The following PPP2R3A variants were observed in gnomAD, a reference collection of about 807,000 sequenced individuals.
The protein encoded by PPP2R3A is serine/threonine-protein phosphatase 2A regulatory subunit B'' subunit alpha.
PPP2R3A carries 80 observed loss-of-function variants against 106.9 expected under a neutral mutation model. That is an observed-to-expected ratio of 0.75 (90% CI 0.62 to 0.90). The LOEUF (loss-of-function observed/expected upper bound fraction) is 0.90, where lower values mean the gene tolerates loss of function less well. PPP2R3A is among the 40% of genes least tolerant of loss of function. The pLI is 0.00. For missense variants in PPP2R3A, 1,386 were observed against 1,350.4 expected (o/e 1.03, Z -0.41); for synonymous variants, 483 against 468.3 (o/e 1.03, Z -0.41).
intron 2 of PPP2R3A, among the ~76,000 whole-genome samples, chr3:136,025,669 TATATCA>T: frequency 6.6e-6 from 1 of 152,264 alleles, no homozygotes; most frequent in South Asian, 2.1e-4. Flanking sequence ...TTCTTACAGA[TATATCA>T]TTGTTCAAAC....
At chr3:136,015,429 G>A (rs1481779624) in intron 2 of PPP2R3A, among the ~76,000 whole-genome samples, 1 of 152,026 alleles carries the variant, frequency 6.6e-6, no homozygotes, top group African/African-American at 2.4e-5. Flanking sequence ...ATTCAGCTGT[G>A]AATCCATCTG....
At chr3:136,068,519 TC>T (rs1469637360) in intron 5 of PPP2R3A, among the ~76,000 whole-genome samples, 1 of 151,930 alleles carries the variant, frequency 6.6e-6, no homozygotes, top group Middle Eastern at 3.2e-3. Context: ...AGACTCCGTC[TC>T]AAAAAAATAA....
intron 2 of PPP2R3A, among the ~76,000 whole-genome samples, chr3:136,015,153 C>T (rs981425735): frequency 6.6e-6 from 1 of 152,048 alleles, no homozygotes; most frequent in African/African-American, 2.4e-5. Flanking sequence ...ATTAAGTAAT[C>T]CCTGCATCCC....
At chr3:136,081,847 C>G (rs947618433) in intron 7 of PPP2R3A, among the ~76,000 whole-genome samples, 4 of 152,156 alleles carry the variant, frequency 2.6e-5, no homozygotes, top group African/African-American at 9.7e-5. Context: ...AATTTTATTA[C>G]AAAATGAAAC....
intron 3 of PPP2R3A, among the ~76,000 whole-genome samples, chr3:136,030,774 ATATATATGTATG>A (rs1255962083): frequency 0.017 from 2,056 of 124,002 alleles, 69 homozygotes; most frequent in African/African-American, 0.07. Flanking sequence ...ATATATATAT[ATATATATGTATG>A]TATGTATGTA....
chr3:136,084,679 C>G (rs1936875448), intron 8 of PPP2R3A, among the ~76,000 whole-genome samples: 1 of 152,226 alleles, frequency 6.6e-6, no homozygotes, highest in Non-Finnish European at 1.5e-5. Flanking sequence ...AGGAAGGGAG[C>G]TGTACCCTAC....
intron 1 of PPP2R3A, among the ~76,000 whole-genome samples, chr3:135,978,137 T>A (rs1401531257): frequency 6.6e-6 from 1 of 152,216 alleles, no homozygotes; most frequent in Admixed American, 6.5e-5. Flanking sequence ...ATAAAAAGTT[T>A]AAAAAAATCA....
chr3:136,108,791 T>C (rs921203699), intron 13 of PPP2R3A, among the ~76,000 whole-genome samples: 1 of 151,822 alleles, frequency 6.6e-6, no homozygotes, highest in African/African-American at 2.4e-5. Flanking sequence ...AATTGAATAC[T>C]GAAAGACCAT....
In PPP2R3A at chr3:136,001,585, T is replaced by C; in HGVS notation, c.87T>C (p.His29=). 4.3e-6 allele frequency: 7 copies of C among 1,614,158 alleles called. No homozygotes were observed. The highest frequency in any genetic ancestry group is 5.9e-6 in the Non-Finnish European group (7 of 1,180,018). Residue 29 remains histidine (H), a synonymous_variant, in exon 2 of 14, where the codon CAT becomes CAC. Transcript: ENST00000264977. ...VIDRRFEQAI[H]YCTGTCHTFT... ...ACCGGCGTTTTGAACAAGCTATACA[T>C]TATTGCACTGGAACCTGCCACACCT...
At chr3:136,087,245 GTCTCTCTCTCTCTCTCTCTCTC>G (rs34566151) in intron 8 of PPP2R3A, among the ~76,000 whole-genome samples, 31 of 75,128 alleles carry the variant, frequency 4.1e-4, no homozygotes, top group African/African-American at 1.2e-3. Context: ...CTCTAGTCGT[GTCTCTCTCTCTCTCTCTCTCTC>G]TCTCTCTCTC....
intron 13 of PPP2R3A, among the ~76,000 whole-genome samples, chr3:136,118,211 A>G (rs924893612): frequency 3.9e-5 from 6 of 152,218 alleles, no homozygotes; most frequent in African/African-American, 4.8e-5. Flanking sequence ...TAAACTAGGT[A>G]TTGATGGAAC....
chr3:136,025,722 T>C (rs925783897), intron 2 of PPP2R3A, among the ~76,000 whole-genome samples: 71 of 152,082 alleles, frequency 4.7e-4, no homozygotes, highest in African/African-American at 1.6e-3. Context: ...AGGAAGAAAT[T>C]TGAATAATAC....
At chr3:136,114,685 C>T (rs1005094003) in intron 13 of PPP2R3A, among the ~76,000 whole-genome samples, 9 of 152,272 alleles carry the variant, frequency 5.9e-5, no homozygotes, top group South Asian at 2.1e-4. Flanking sequence ...GAAGTGGGAG[C>T]GCACCGCAGC....
chr3:136,039,842 CCTT>C (rs1273871200), intron 3 of PPP2R3A, among the ~76,000 whole-genome samples: 8 of 151,552 alleles, frequency 5.3e-5, no homozygotes, highest in African/African-American at 2.0e-4. Flanking sequence ...AATTTTTTCT[CCTT>C]CAGGTTTTTT....
intron 2 of PPP2R3A, among the ~76,000 whole-genome samples, chr3:136,006,877 C>A (rs1263084842): frequency 6.6e-6 from 1 of 152,162 alleles, no homozygotes; most frequent in Non-Finnish European, 1.5e-5. Flanking sequence ...ACAGAACTTT[C>A]CTTCCTAGAG....
At chr3:136,134,944 C>T (rs1196944971) in intron 13 of PPP2R3A, among the ~76,000 whole-genome samples, 1 of 151,634 alleles carries the variant, frequency 6.6e-6, no homozygotes, top group Non-Finnish European at 1.5e-5. Context: ...TGTTTTATAA[C>T]CTGCTTTAAA....
chr3:136,023,097 A>C, intron 2 of PPP2R3A: 1 of 1,613,434 alleles, frequency 6.2e-7, no homozygotes, highest in South Asian at 1.1e-5. Context: ...ATCTCTACGA[A>C]GGGACCCGGA....
intron 1 of PPP2R3A, among the ~76,000 whole-genome samples, chr3:135,987,955 C>T (rs993135390): frequency 6.6e-6 from 1 of 152,310 alleles, no homozygotes; most frequent in South Asian, 2.1e-4. Context: ...CTTTTTACTT[C>T]TGTATTCCAT....
chr3:136,030,453 G>A (rs1171648530), intron 3 of PPP2R3A, among the ~76,000 whole-genome samples: 3 of 151,806 alleles, frequency 2.0e-5, no homozygotes, highest in Non-Finnish European at 2.9e-5. Context: ...TTGGTTACAC[G>A]AGTAAGTTCT....
Sources: allele counts gnomAD v4.1 joint callset (sites outside exome capture counted in the v4.1 genomes callset), GRCh38; gene constraint gnomAD v4.1.1; transcripts MANE v1.5; gene names NCBI Gene and HGNC (gene_info 2026-07-23, HGNC 2026-07-21).